PPFIA2: variants seen among roughly 807,000 people sequenced by gnomAD.
PPFIA2 encodes the protein liprin-alpha-2.
PPFIA2 carries 46 observed loss-of-function variants against 175.5 expected under a neutral mutation model. The ratio of observed to expected loss-of-function variants is 0.26; its 90% CI spans 0.21 to 0.34. The LOEUF (loss-of-function observed/expected upper bound fraction) is 0.34, where lower values mean the gene tolerates loss of function less well. Ranked by LOEUF, PPFIA2 falls within the 10% of genes least tolerant of loss-of-function variation. The pLI, the probability that PPFIA2 is intolerant of heterozygous loss-of-function variation, is 1.00. For synonymous variants in PPFIA2, 568 were observed against 511.4 expected (o/e 1.11, Z -1.49); for missense variants, 1,179 against 1,506.1 (o/e 0.78, Z 3.60).
intron 4 of PPFIA2, among the ~76,000 whole-genome samples, chr12:81,607,967 C>T (rs1439483045): frequency 6.6e-6 from 1 of 151,940 alleles, no homozygotes; most frequent in Non-Finnish European, 1.5e-5. Context: ...AGGTATATTC[C>T]TTTGATGCCT....
chr12:81,518,961 C>T (rs751146804), intron 4 of PPFIA2, among the ~76,000 whole-genome samples: 5 of 152,050 alleles, frequency 3.3e-5, no homozygotes, highest in African/African-American at 9.7e-5. Flanking sequence ...ATAAAACAAA[C>T]CTTTAAAGCC....
intron 3 of PPFIA2, among the ~76,000 whole-genome samples, chr12:81,725,612 AT>A (rs2153634184): frequency 6.6e-6 from 1 of 151,086 alleles, no homozygotes; most frequent in South Asian, 2.1e-4. Flanking sequence ...GTTAGAAAAA[AT>A]ATATAAACTT....
At chr12:81,591,566 C>A (rs1349550650) in intron 4 of PPFIA2, among the ~76,000 whole-genome samples, 1 of 152,126 alleles carries the variant, frequency 6.6e-6, no homozygotes, top group East Asian at 1.9e-4. Flanking sequence ...GGCCCAGGGT[C>A]CTTCTGCTAT....
rs1035624022 is a variant in PPFIA2, at chr12:81,263,364, T to C, written c.3582A>G (p.Gly1194=). ...GAGGAAACTGCCTTCTCCAGGTTGATCCACGTCTGAAGTTCTTGTCATCAC... is the reference window on the plus strand; with the variant it reads ...GAGGAAACTGCCTTCTCCAGGTTGACCCACGTCTGAAGTTCTTGTCATCAC... The part of the protein sequence containing the change: ...DESDDKNFRR[G]STWRRQFPPR... Residue 1194 remains glycine, a synonymous_variant, in exon 31 of 33, where the codon GGA becomes GGG. Transcript: ENST00000549396. The C allele has an allele frequency of 6.2e-7, 1 of 1,613,528 alleles. No homozygotes were observed. The highest frequency in any genetic ancestry group is 8.5e-7 in the Non-Finnish European group (1 of 1,179,496).
At chr12:81,481,201 T>C (rs1593686853) in intron 4 of PPFIA2, among the ~76,000 whole-genome samples, 1 of 152,264 alleles carries the variant, frequency 6.6e-6, no homozygotes, top group East Asian at 1.9e-4. Context: ...GTAGGACCTC[T>C]TCAACTAGAA....
intron 8 of PPFIA2, among the ~76,000 whole-genome samples, chr12:81,393,496 T>C (rs2142338832): frequency 6.6e-6 from 1 of 152,206 alleles, no homozygotes; most frequent in African/African-American, 2.4e-5. Context: ...GAATATTTAA[T>C]AGAACCCTGA....
At chr12:81,339,916 A>G (rs968985655) in intron 20 of PPFIA2, among the ~76,000 whole-genome samples, 4 of 152,068 alleles carry the variant, frequency 2.6e-5, no homozygotes, top group African/African-American at 9.7e-5. Flanking sequence ...TAATTAGAGT[A>G]CTCAAATATT....
chr12:81,356,162 T>G (rs968409872), intron 16 of PPFIA2, among the ~76,000 whole-genome samples: 5 of 152,146 alleles, frequency 3.3e-5, no homozygotes, highest in African/African-American at 4.8e-5. Flanking sequence ...TCAATATTGT[T>G]GTGTCTTGGG....
chr12:81,568,749 T>C (rs901230248), intron 4 of PPFIA2, among the ~76,000 whole-genome samples: 2 of 152,188 alleles, frequency 1.3e-5, no homozygotes, highest in African/African-American at 4.8e-5. Context: ...ATCAGCTTCA[T>C]GCCTGGCCTT....
chr12:81,758,009 T>C (rs1427838823), intron 2 of PPFIA2, among the ~76,000 whole-genome samples: 1 of 152,208 alleles, frequency 6.6e-6, no homozygotes, highest in African/African-American at 2.4e-5. Context: ...ATTTAACTCT[T>C]TGAAAGCCTC....
intron 24 of PPFIA2, among the ~76,000 whole-genome samples, chr12:81,294,416 G>GGGAA (rs1355549113): frequency 8.1e-6 from 1 of 124,098 alleles, no homozygotes; most frequent in Admixed American, 8.8e-5. Context: ...GAAGGAAGAA[G>GGGAA]GGAAGGAAGG....
chr12:81,459,411 T>C (rs7133044), intron 4 of PPFIA2, among the ~76,000 whole-genome samples: 14,923 of 152,136 alleles, frequency 0.098, 867 homozygotes, highest in Middle Eastern at 0.16. Flanking sequence ...CTTATACTTA[T>C]GTATATTATA....
intron 4 of PPFIA2, among the ~76,000 whole-genome samples, chr12:81,474,365 T>G (rs1438144032): frequency 1.3e-5 from 2 of 152,062 alleles, no homozygotes; most frequent in Non-Finnish European, 2.9e-5. Flanking sequence ...CCATGTTTTT[T>G]GGGCTGCTCT....
At position 81,549,995 on chromosome 12, in the gene PPFIA2, G is replaced by A. The variant is rs1029144047; in HGVS notation, c.304-92129C>T. On this transcript the variant is annotated intron_variant, in intron 4 of 32. Transcript: ENST00000549396. ...TAAGATTTTTAAGGTATATTCCAAG[G>A]CAAAGATAGCTTTCTTTCTGAAAGG... is the stretch of plus-strand genomic sequence containing the variant. 6.6e-5 allele frequency among the ~76,000 whole-genome samples: 10 copies of A among 151,708 alleles called. 1 individual carries two copies. In the East Asian group the frequency reaches 1.7e-3, roughly 26 times the overall value.
chr12:81,758,072 TTAC>T (rs2084957204), intron 2 of PPFIA2, among the ~76,000 whole-genome samples: 1 of 152,146 alleles, frequency 6.6e-6, no homozygotes. Context: ...TACACTTTCT[TTAC>T]CCTAGTGCAT....
At chr12:81,567,329 G>A (rs1444534489) in intron 4 of PPFIA2, among the ~76,000 whole-genome samples, 4 of 152,152 alleles carry the variant, frequency 2.6e-5, no homozygotes, top group African/African-American at 7.2e-5. Context: ...GATTACAGGC[G>A]TGATCCACTG....
chr12:81,594,293 A>C (rs566786212), intron 4 of PPFIA2, among the ~76,000 whole-genome samples: 2 of 152,184 alleles, frequency 1.3e-5, no homozygotes, highest in African/African-American at 4.8e-5. Flanking sequence ...TTCCAAACCT[A>C]TAGTAAAGTT....
chr12:81,369,080 A>T (rs760081926), intron 12 of PPFIA2, 31 bp downstream of exon 12: 1 of 1,515,216 alleles, frequency 6.6e-7, no homozygotes, highest in Admixed American at 1.8e-5. Context: ...TAAACCAATG[A>T]TTGGGGGGTA....
intron 7 of PPFIA2, among the ~76,000 whole-genome samples, chr12:81,410,998 C>A (rs1403060): frequency 0.16 from 24,297 of 151,900 alleles, 2,694 homozygotes; most frequent in East Asian, 0.42. Flanking sequence ...CCAAATTTCC[C>A]CTTTTGTGCC....
Sources: allele counts gnomAD v4.1 joint callset (sites outside exome capture counted in the v4.1 genomes callset), GRCh38; gene constraint gnomAD v4.1.1; transcripts MANE v1.5; gene names NCBI Gene and HGNC (gene_info 2026-07-23, HGNC 2026-07-21).